The following UNC5D variants were observed in gnomAD, a reference collection of about 807,000 sequenced individuals.
The protein encoded by UNC5D is netrin receptor UNC5D.
UNC5D carries 39 observed loss-of-function variants against 105.4 expected under a neutral mutation model. That is an observed-to-expected ratio of 0.37 (90% CI 0.29 to 0.48). The LOEUF is 0.48. UNC5D is among the 20% of genes least tolerant of loss of function. The pLI is 0.98. For synonymous variants in UNC5D, 452 were observed against 450.4 expected, an observed-to-expected ratio of 1.00 and a Z score of -0.04; for missense variants, 991 against 1,202.4, an observed-to-expected ratio of 0.82 and a Z score of 2.60.
chr8:35,603,716 T>A (rs1820058072), intron 4 of UNC5D, among the ~76,000 whole-genome samples: 1 of 152,236 alleles, frequency 6.6e-6, no homozygotes, highest in Non-Finnish European at 1.5e-5. Context: ...GCTTTATGAA[T>A]CTGGGTGCTC....
At chr8:35,240,141 G>T (rs542424648) in intron 1 of UNC5D, among the ~76,000 whole-genome samples, 1 of 152,120 alleles carries the variant, frequency 6.6e-6, no homozygotes, top group East Asian at 1.9e-4. Flanking sequence ...GTAGAGATTA[G>T]CTCTCACTAT....
At chr8:35,421,261 T>C (rs992204661) in intron 1 of UNC5D, among the ~76,000 whole-genome samples, 1 of 152,196 alleles carries the variant, frequency 6.6e-6, no homozygotes, top group African/African-American at 2.4e-5. Context: ...TGAAATGGCA[T>C]GGGCTGAGGT....
chr8:35,429,587 A>T (rs949544307), intron 1 of UNC5D, among the ~76,000 whole-genome samples: 1 of 152,296 alleles, frequency 6.6e-6, no homozygotes, highest in Non-Finnish European at 1.5e-5. Context: ...AGAGGAAATG[A>T]GTTATTTAAG....
intron 1 of UNC5D, among the ~76,000 whole-genome samples, chr8:35,399,714 A>T (rs567637419): frequency 5.3e-5 from 8 of 152,350 alleles, no homozygotes; most frequent in African/African-American, 1.9e-4. Flanking sequence ...TTAATTCAGT[A>T]TAACAATTTA....
chr8:35,499,407 A>T (rs1811827953), intron 1 of UNC5D, among the ~76,000 whole-genome samples: 1 of 152,204 alleles, frequency 6.6e-6, no homozygotes, highest in Non-Finnish European at 1.5e-5. Flanking sequence ...GATTCATCAT[A>T]ACTTAACTGA....
Position 35,277,770 on chromosome 8 carries a change from CTTG to C in UNC5D, c.103+41888_103+41890del, listed in dbSNP as rs1234243287. On this transcript the variant is annotated intron_variant, in intron 1 of 16. Coordinates refer to ENST00000404895, the MANE Select transcript of UNC5D (RefSeq NM_080872.4). ...AAATTTAAAATAAGTACTTCCATCT[CTTG>C]TTGTCTTTCTTGGGAAGATGGTCAC... Among the ~76,000 whole-genome samples the C allele has an allele frequency of 1.3e-4, 20 of 152,286 alleles. No homozygotes were observed. The East Asian group carries it at 3.5e-3, about 27-fold the overall frequency.
chr8:35,450,683 G>T (rs1420760061), intron 1 of UNC5D, among the ~76,000 whole-genome samples: 1 of 152,102 alleles, frequency 6.6e-6, no homozygotes, highest in African/African-American at 2.4e-5. Flanking sequence ...ACTACAGATT[G>T]TCTCTGAATT....
chr8:35,537,776 A>G (rs1276555373), intron 1 of UNC5D, among the ~76,000 whole-genome samples: 1 of 151,248 alleles, frequency 6.6e-6, no homozygotes, highest in African/African-American at 2.4e-5. Context: ...AATATTAAAA[A>G]TTTAAAAAGA....
chr8:35,767,743 T>G (rs149596818), intron 15 of UNC5D, among the ~76,000 whole-genome samples: 27 of 152,282 alleles, frequency 1.8e-4, no homozygotes, highest in African/African-American at 6.0e-4. Context: ...GAGTTACAAG[T>G]AGCAGTCAAG....
chr8:35,247,365 G>T (rs995356364), intron 1 of UNC5D, among the ~76,000 whole-genome samples: 1 of 148,974 alleles, frequency 6.7e-6, no homozygotes, highest in East Asian at 2.0e-4. Context: ...TGTAAAAAAG[G>T]TTTGCATTAT....
intron 9 of UNC5D, among the ~76,000 whole-genome samples, 189 bp downstream of exon 9, chr8:35,722,584 G>A (rs921169236): frequency 2.8e-4 from 43 of 152,330 alleles, no homozygotes; most frequent in African/African-American, 1.0e-3. Flanking sequence ...CTGCCACAGG[G>A]ACAAGAGGAT....
At chr8:35,722,545 T>C in intron 9 of UNC5D, 150 bp downstream of exon 9, 3 of 970,268 alleles carry the variant, frequency 3.1e-6, no homozygotes, top group Non-Finnish European at 2.9e-6. Context: ...CAGACCGGGC[T>C]GGGTGAAGTG....
At chr8:35,483,961 T>C (rs2130012007) in intron 1 of UNC5D, among the ~76,000 whole-genome samples, 1 of 152,322 alleles carries the variant, frequency 6.6e-6, no homozygotes, top group South Asian at 2.1e-4. Context: ...AAATTTGTGC[T>C]GCATTCAAAT....
chr8:35,560,743 A>G (rs1243523126), intron 2 of UNC5D, among the ~76,000 whole-genome samples: 1 of 152,170 alleles, frequency 6.6e-6, no homozygotes, highest in Non-Finnish European at 1.5e-5. Flanking sequence ...GTGGCCTTTT[A>G]AAGAAGCCTG....
intron 1 of UNC5D, among the ~76,000 whole-genome samples, chr8:35,475,491 A>G (rs1259918288): frequency 1.3e-5 from 2 of 152,116 alleles, no homozygotes; most frequent in East Asian, 1.9e-4. Flanking sequence ...CCCACCTTCT[A>G]CAGTCCTCAG....
chr8:35,262,762 G>T (rs1804578904), intron 1 of UNC5D, among the ~76,000 whole-genome samples: 1 of 152,096 alleles, frequency 6.6e-6, no homozygotes, highest in Non-Finnish European at 1.5e-5. Flanking sequence ...TAAAATAATT[G>T]TGTTGCTTCT....
rs186187105 is a variant in UNC5D, at chr8:35,443,906, A to G, written c.104-105386A>G. On this transcript the variant is annotated intron_variant, in intron 1 of 16. Coordinates refer to ENST00000404895, the MANE Select transcript of UNC5D (RefSeq NM_080872.4). The stretch of plus-strand genomic sequence containing the variant: ...GTATGCTATTTGTAAATCCTCTTAA[A>G]AGATATAAGAAAGGGTCACTTTCTT... 8.1e-3 allele frequency among the ~76,000 whole-genome samples: 1,238 copies of G among 152,080 alleles called. 12 individuals are homozygous for G. Among genetic ancestry groups the G allele is most frequent in the South Asian group, 0.044 (214 of 4,826 alleles).
intron 4 of UNC5D, among the ~76,000 whole-genome samples, chr8:35,605,264 T>C (rs1483700276): frequency 6.6e-6 from 1 of 152,206 alleles, no homozygotes; most frequent in Non-Finnish European, 1.5e-5. Flanking sequence ...CTTCTAACAG[T>C]CAGGACTCTC....
In UNC5D at chr8:35,691,733, T is replaced by A. The variant is rs377093938; in HGVS notation, c.1084+5024T>A. Among the ~76,000 whole-genome samples, 27 of 152,288 alleles carry A rather than the reference T, an allele frequency of 1.8e-4. No individual in the cohort carries two copies. The South Asian group carries it at 2.9e-3, about 16-fold the overall frequency. ...CAGGTAGTTTCCTGACCATTGGACTTTCTCCTTGCTGTACATACCTGCGTT... is the reference window on the plus strand; with the variant it reads ...CAGGTAGTTTCCTGACCATTGGACTATCTCCTTGCTGTACATACCTGCGTT... On this transcript the variant is annotated intron_variant, in intron 7 of 16. Coordinates refer to ENST00000404895, the MANE Select transcript of UNC5D (RefSeq NM_080872.4).
Sources: gnomAD v4.1 joint callset for allele counts (sites outside exome capture counted in the v4.1 genomes callset) on GRCh38, gnomAD v4.1.1 for gene constraint, MANE v1.5 for transcripts, NCBI Gene and HGNC (gene_info 2026-07-23, HGNC 2026-07-21) for gene names.